Variants in HINFP observed in about 807,000 individuals in gnomAD.
The protein encoded by HINFP is MBD2 (methyl-CpG-binding protein)-interacting zinc finger protein.
A neutral mutation model predicts 50.1 loss-of-function variants in HINFP; 20 were observed. The ratio of observed to expected loss-of-function variants is 0.40; its 90% CI spans 0.28 to 0.58. HINFP has a LOEUF of 0.58. Ranked by LOEUF, HINFP falls within the 20% of genes least tolerant of loss-of-function variation. The probability of loss-of-function intolerance (pLI) is 0.45; values close to 1 mark genes in which losing one functional copy is unlikely to be tolerated. For synonymous variants in HINFP, 247 were observed against 243.7 expected (o/e 1.01, Z -0.13); for missense variants, 505 against 664.1 (o/e 0.76, Z 2.63).
chr11:119,134,510 C>T lies in HINFP; in HGVS notation c.*12C>T, dbSNP rs376475367. On this transcript the variant is annotated 3_prime_UTR_variant, in exon 10 of 10. Coordinates refer to ENST00000350777, the MANE Select transcript of HINFP (RefSeq NM_198971.3). The surrounding 1 kb of genome is among the most constrained non-coding windows in gnomAD (Gnocchi z 4.3). ...TCCAGATGGTTTGAAGGCCGCAGAG[C>T]CAGACCATTTCTTCCCCAGGTCCTG... 1.3e-6 allele frequency: 2 copies of T among 1,562,984 alleles called. No homozygotes were observed. The highest frequency in any genetic ancestry group is 2.7e-5 in the African/African-American group (2 of 73,340).
chr11:119,131,050 T>G lies in HINFP; in HGVS notation c.411+96T>G, dbSNP rs1372775207. On this transcript the variant is annotated intron_variant, in intron 3 of 9. Coordinates refer to ENST00000350777, the MANE Select transcript of HINFP (RefSeq NM_198971.3). The surrounding 1 kb of genome is among the most constrained non-coding windows in gnomAD (Gnocchi z 4.2). ...CAGGGATGCCTTATATTTCCAAGAT[T>G]CCTGCTAGTATCTCTCTTCCATTTC... 2.1e-6 allele frequency: 2 copies of G among 971,388 alleles called. No individual in the cohort carries two copies. The highest frequency in any genetic ancestry group is 3.3e-6 in the Non-Finnish European group (2 of 605,752). 60.2% of individuals were successfully genotyped at this position (971,388 alleles called of 1,614,324 possible).
intron 2 of HINFP, 189 bp downstream of exon 2, chr11:119,127,314 T>A: frequency 2.1e-6 from 1 of 480,816 alleles, no homozygotes; most frequent in Non-Finnish European, 3.6e-6. Context: ...AAGGAATAAA[T>A]CTGCCATCCT....
intron 2 of HINFP, chr11:119,129,885 C>G (rs1341928834): frequency 6.6e-6 from 1 of 152,172 alleles, no homozygotes; most frequent in African/African-American, 2.4e-5. Flanking sequence ...ACCCCAAATT[C>G]TGTTTTAAGT....
chr11:119,129,748 G>A (rs1295965167), intron 2 of HINFP: 1 of 152,168 alleles, frequency 6.6e-6, no homozygotes, highest in African/African-American at 2.4e-5. Context: ...ACAGGCGTGA[G>A]CCACCGCACC....
intron 1 of HINFP, among the ~76,000 whole-genome samples, chr11:119,123,516 T>TA (rs1438811636): frequency 6.6e-6 from 1 of 151,724 alleles, no homozygotes; most frequent in Non-Finnish European, 1.5e-5. Context: ...CACAACATTA[T>TA]AAAAGCAGTC....
intron 2 of HINFP, among the ~76,000 whole-genome samples, chr11:119,129,543 G>A (rs565349715): frequency 1.5e-5 from 2 of 137,040 alleles, no homozygotes; most frequent in East Asian, 4.5e-4. Context: ...TCACTGCAAG[G>A]TCCGCCTCCC....
intron 1 of HINFP, among the ~76,000 whole-genome samples, chr11:119,122,992 G>A (rs1378403105): frequency 6.6e-6 from 1 of 151,930 alleles, no homozygotes; most frequent in Non-Finnish European, 1.5e-5. Flanking sequence ...GCGTGGTGGT[G>A]CGTGCTTATA....
rs1053319844 is a variant in HINFP at position 119,132,784 on chromosome 11, A to G, written c.875+3A>G. The G allele has an allele frequency of 6.2e-7, 1 of 1,613,592 alleles. No homozygotes were observed. The highest frequency in any genetic ancestry group is 2.2e-5 in the East Asian group (1 of 44,882). On this transcript the variant is annotated splice_donor_region_variant and intron_variant, in intron 7 of 9. Coordinates refer to ENST00000350777, the MANE Select transcript of HINFP (RefSeq NM_198971.3). ...AAATGTGACTGTTGTGACTACAGGT[A>G]AGGGGGACCAGGGACCAGAAAACAG...
intron 2 of HINFP, among the ~76,000 whole-genome samples, chr11:119,129,443 A>C (rs1947621401): frequency 6.6e-6 from 1 of 151,010 alleles, no homozygotes; most frequent in African/African-American, 2.4e-5. Context: ...AGCAGCTGGG[A>C]CTATAAGCAT....
Position 119,131,620 on chromosome 11 carries a change from A to G in HINFP, c.497A>G (p.Asn166Ser), listed in dbSNP as rs577319500. ...GAATACGAAGCAGTCGGCAAGGACA[A>G]CCCGGTGGTGCTGTGTGGCTGGAAA... The part of the protein sequence containing the change: ...CCEYEAVGKD[N>S]PVVLCGWKGC... The change falls in exon 4 of 10, where the codon AAC (asparagine) becomes AGC (serine). Residue 166 changes from asparagine (N) to serine (S), a missense_variant. Transcript: ENST00000350777. This position sits in a 1 kb window ranked among gnomAD's most constrained non-coding sequence, Gnocchi z 4.2. 1.2e-6 allele frequency: 2 copies of G among 1,614,070 alleles called. No individual in the cohort carries two copies. The highest frequency in any genetic ancestry group is 1.1e-5 in the South Asian group (1 of 91,080).
At chr11:119,133,325 A>G in intron 9 of HINFP, 106 bp downstream of exon 9, 1 of 1,423,050 alleles carries the variant, frequency 7.0e-7, no homozygotes, top group Non-Finnish European at 9.6e-7. Context: ...TCACGCCTGT[A>G]ATCCCAGCAC....
chr11:119,134,456 G>T lies in HINFP; in HGVS notation c.1512G>T (p.Lys504Asn), dbSNP rs1004664802. 1.9e-6 allele frequency: 3 copies of T among 1,612,132 alleles called. No homozygotes were observed. Among genetic ancestry groups the T allele is most frequent in the East Asian group, 2.2e-5 (1 of 44,824 alleles). ...PEPPSGGIME[K>N]LQGIAEEPEI... Reference sequence around the variant, plus strand: ...CACCTTCAGGGGGCATCATGGAAAAGCTTCAAGGAATAGCTGAGGAGCCAG... The same window carrying T: ...CACCTTCAGGGGGCATCATGGAAAATCTTCAAGGAATAGCTGAGGAGCCAG... Residue 504 changes from lysine (K) to asparagine (N), a missense_variant, in exon 10 of 10, where the codon AAG (lysine) becomes AAT (asparagine). By Grantham distance (94) the Lys-to-Asn change is moderately conservative. Coordinates refer to ENST00000350777, the MANE Select transcript of HINFP (RefSeq NM_198971.3). The surrounding 1 kb of genome is among the most constrained non-coding windows in gnomAD (Gnocchi z 4.3).
At chr11:119,133,070 C>T (rs1416447919) in intron 8 of HINFP, 25 bp from the exon 9 acceptor site, 2 of 1,614,104 alleles carry the variant, frequency 1.2e-6, no homozygotes, top group South Asian at 2.2e-5. Flanking sequence ...GAGCTGGTCT[C>T]ATTTCTCCCT....
At chr11:119,132,126 T>G (rs796126056) in intron 5 of HINFP, 144 bp downstream of exon 5, 1 of 826,020 alleles carries the variant, frequency 1.2e-6, no homozygotes, top group South Asian at 1.6e-5. Flanking sequence ...CCATAGTCTC[T>G]TTGCTGATTC....
chr11:119,124,621 C>G (rs1947284916), intron 1 of HINFP: 1 of 152,166 alleles, frequency 6.6e-6, no homozygotes, highest in African/African-American at 2.4e-5. Flanking sequence ...TAACTCCTGC[C>G]TTCCTGAATC....
At chr11:119,128,171 C>G (rs1947526321) in intron 2 of HINFP, among the ~76,000 whole-genome samples, 1 of 151,816 alleles carries the variant, frequency 6.6e-6, no homozygotes, top group African/African-American at 2.4e-5. Context: ...ACTTTTTAAC[C>G]TTTGTCTGAC....
At position 119,135,344 on chromosome 11, in the gene HINFP, A is replaced by G. The variant is rs1425697151; in HGVS notation, c.*846A>G. 1 of 152,240 alleles carries G rather than the reference A, an allele frequency of 6.6e-6. No homozygotes were observed. The highest frequency in any genetic ancestry group is 1.5e-5 in the Non-Finnish European group (1 of 68,098). 9.4% of individuals were successfully genotyped at this position (152,240 alleles called of 1,614,324 possible). A position where few individuals can be genotyped will look rare whatever the true frequency, so the allele number is the denominator to read the frequency against. ...CACTGGGAGGATAGGGCAGCTGACC[A>G]TGGCCTCACTCTGAATACTGATTAG... On this transcript the variant is annotated 3_prime_UTR_variant, in exon 10 of 10. Transcript: ENST00000350777.
intron 1 of HINFP, among the ~76,000 whole-genome samples, chr11:119,122,886 G>T (rs1947149345): frequency 6.6e-6 from 1 of 152,132 alleles, no homozygotes; most frequent in Non-Finnish European, 1.5e-5. Context: ...ACTTTGTGAG[G>T]CCGAGGCGGG....
At chr11:119,122,653 A>G (rs1457098382) in intron 1 of HINFP, among the ~76,000 whole-genome samples, 1 of 152,156 alleles carries the variant, frequency 6.6e-6, no homozygotes, top group Non-Finnish European at 1.5e-5. Context: ...GAAGTGAATA[A>G]GTGATGGCCA....
Sources: allele counts gnomAD v4.1 joint callset (sites outside exome capture counted in the v4.1 genomes callset), GRCh38; gene constraint gnomAD v4.1.1; non-coding constraint Gnocchi (gnomAD v3.1); transcripts MANE v1.5; gene names NCBI Gene and HGNC (gene_info 2026-07-23, HGNC 2026-07-21).